The following SKOR2 variants were observed in gnomAD, a reference collection of about 807,000 sequenced individuals.
The protein encoded by SKOR2 is LBX1 corepressor 1-like protein.
In SKOR2, 47 loss-of-function variants were observed where a neutral mutation model predicts 69.1. That is an observed-to-expected ratio of 0.68 (90% CI 0.54 to 0.87). SKOR2 has a LOEUF of 0.87. Ranked by LOEUF, SKOR2 falls within the 40% of genes least tolerant of loss-of-function variation. The probability of loss-of-function intolerance (pLI) is 0.00; values close to 1 mark genes in which losing one functional copy is unlikely to be tolerated. For synonymous variants in SKOR2, 717 were observed against 672.6 expected (o/e 1.07, Z -1.02); for missense variants, 1,404 against 1,472.2 (o/e 0.95, Z 0.76).
At chr18:47,230,842 T>C in intron 5 of SKOR2, 93 bp downstream of exon 5, 1 of 1,301,380 alleles carries the variant, frequency 7.7e-7, no homozygotes, top group Non-Finnish European at 1.1e-6. Context: ...CTTGTCAAGC[T>C]AAAAATATGG....
chr18:47,249,320 C>G (rs535034255), intron 1 of SKOR2, 90 bp from the exon 2 acceptor site: 2 of 1,208,304 alleles, frequency 1.7e-6, no homozygotes, highest in East Asian at 2.6e-5. Flanking sequence ...ATTAGAATAA[C>G]TTTCTTGCTT....
At chr18:47,246,416 C>G (rs796374144) in intron 2 of SKOR2, among the ~76,000 whole-genome samples, 155 bp downstream of exon 2, 21 of 152,376 alleles carry the variant, frequency 1.4e-4, no homozygotes, top group African/African-American at 5.0e-4. Flanking sequence ...CGGAGGACCA[C>G]TGGCAGGAAA....
Position 47,248,089 on chromosome 18 carries a change from GC to G in SKOR2, c.1094del (p.Gly365AlafsTer131). On this transcript the variant is annotated frameshift_variant, in exon 2 of 9. Coordinates refer to ENST00000425639, the MANE Select transcript of SKOR2 (RefSeq NM_001278063.4). LOFTEE classifies it high-confidence loss of function. This position sits in a 1 kb window ranked among gnomAD's most constrained non-coding sequence, Gnocchi z 6.4. ...GCVAGVGVGA[G>X]AGAGAGAGAK... is the part of the protein sequence containing the mutation. The stretch of plus-strand genomic sequence containing the variant: ...CCCCTGCCCCGGCACCCGCCCCCGC[GC>G]CCGCGCCCACGCCCACGCCGGCCAC... 1 of 1,373,928 alleles carries G rather than the reference GC, an allele frequency of 7.3e-7. No individual in the cohort carries two copies. The highest frequency in any genetic ancestry group is 9.4e-7 in the Non-Finnish European group (1 of 1,066,024). 85.1% of individuals were successfully genotyped at this position (1,373,928 alleles called of 1,614,324 possible).
Position 47,206,330 on chromosome 18 carries a change from GCAGGCAAAGTACAGAGAGGAAGGGGCCA to G in SKOR2, c.*538_*565del. On this transcript the variant is annotated 3_prime_UTR_variant, in exon 9 of 9. Coordinates refer to ENST00000425639, the MANE Select transcript of SKOR2 (RefSeq NM_001278063.4). The stretch of plus-strand genomic sequence containing the variant: ...AAGGAATACAATCCTCATTCATACA[GCAGGCAAAGTACAGAGAGGAAGGGGCCA>G]CATGTAAGTCTGTCCAGTTTGCTAT... 6.6e-6 allele frequency: 1 copy of G among 152,182 alleles called. No individual in the cohort carries two copies. The highest frequency in any genetic ancestry group is 1.9e-4 in the East Asian group (1 of 5,178). The allele number at this position is 152,182 out of a possible 1,614,324, so 9.4% of individuals were successfully genotyped here.
In SKOR2 at chr18:47,246,637, G is replaced by A. The variant is rs1342509574; in HGVS notation, c.2547C>T (p.Gly849=). 1.7e-5 allele frequency: 26 copies of A among 1,518,480 alleles called. No individual in the cohort carries two copies. Among genetic ancestry groups the A allele is most frequent in the Non-Finnish European group, 2.2e-5 (25 of 1,140,084 alleles). 94.1% of individuals were successfully genotyped at this position (1,518,480 alleles called of 1,614,324 possible). Residue 849 remains glycine (G), a synonymous_variant, in exon 2 of 9, where the codon GGC becomes GGT. Coordinates refer to ENST00000425639, the MANE Select transcript of SKOR2 (RefSeq NM_001278063.4). ...CTGGGCTGCCCGGGCTGCTGCTGCC[G>A]CCGCCACTCGCCTTCTGGGGGGCCA... ...PPLAPQKASG[G]GSSSPGSPVH...
intron 4 of SKOR2, among the ~76,000 whole-genome samples, chr18:47,238,400 G>T (rs1190031187): frequency 5.1e-5 from 7 of 137,632 alleles, no homozygotes; most frequent in African/African-American, 1.9e-4. Flanking sequence ...TCAGCTCACT[G>T]TTATCTTCGT....
Position 47,248,707 on chromosome 18 carries a change from G to T in SKOR2, c.477C>A (p.Phe159Leu). The T allele has an allele frequency of 1.9e-6, 3 of 1,561,124 alleles. No homozygotes were observed. Among genetic ancestry groups the T allele is most frequent in the Non-Finnish European group, 2.6e-6 (3 of 1,159,622 alleles). Residue 159 changes from phenylalanine (F) to leucine (L), a missense_variant, in exon 2 of 9, where the codon TTC (phenylalanine) becomes TTA (leucine). By Grantham distance (22) the Phe-to-Leu change is conservative (BLOSUM62 0). Around this residue, in one of 3 missense-constraint regions of SKOR2, gnomAD observed 1,266 missense variants for 1,309.9 expected, o/e 0.97. Coordinates refer to ENST00000425639, the MANE Select transcript of SKOR2 (RefSeq NM_001278063.4). This position sits in a 1 kb window ranked among gnomAD's most constrained non-coding sequence, Gnocchi z 6.4. The stretch of plus-strand genomic sequence containing the variant: ...GCGAGCTGTTGTAGCGCGCGGGAAT[G>T]AAGCTGCCGCGGCAGCCCCAGGCGC... ...HECAWGCRGS[F>L]IPARYNSSRA...
At chr18:47,224,271 A>C (rs2144489333) in intron 6 of SKOR2, among the ~76,000 whole-genome samples, 1 of 152,304 alleles carries the variant, frequency 6.6e-6, no homozygotes, top group East Asian at 1.9e-4. Flanking sequence ...AAAAATCATT[A>C]AGCCAACTTC....
At position 47,247,540 on chromosome 18, in the gene SKOR2, G is replaced by C. The variant is rs1413660226; in HGVS notation, c.1644C>G (p.Ala548=). The C allele has an allele frequency of 4.1e-6, 5 of 1,219,120 alleles. No individual in the cohort carries two copies. In the East Asian group the frequency reaches 1.7e-4, roughly 41 times the overall value. 75.5% of individuals were successfully genotyped at this position (1,219,120 alleles called of 1,614,324 possible). The part of the protein sequence containing the change: ...NGPGSGPPPP[A]GGAGSRDALF... ...GCGCGTCGCGAGAGCCGGCGCCCCC[G>C]GCAGGAGGAGGTGGGCCGGAGCCCG... The change falls in exon 2 of 9, where the codon GCC becomes GCG. Residue 548 remains alanine, a synonymous_variant. Coordinates refer to ENST00000425639, the MANE Select transcript of SKOR2 (RefSeq NM_001278063.4). The surrounding 1 kb of genome is among the most constrained non-coding windows in gnomAD (Gnocchi z 6.6).
At position 47,247,069 on chromosome 18, in the gene SKOR2, G is replaced by C. The variant is rs1555659828; in HGVS notation, c.2115C>G (p.Pro705=). The change falls in exon 2 of 9, where the codon CCC becomes CCG. Residue 705 remains proline (P), a synonymous_variant. Coordinates refer to ENST00000425639, the MANE Select transcript of SKOR2 (RefSeq NM_001278063.4). This position sits in a 1 kb window ranked among gnomAD's most constrained non-coding sequence, Gnocchi z 6.6. ...GGTGGTGCGGGTGCTGGGCCAGAGG[G>C]GGCGGCGGGGGCGGCGGCGGCGGCG... is the stretch of plus-strand genomic sequence containing the variant. ...PPPPPPPPPP[P]PLAQHPHHRG... The C allele has an allele frequency of 1.4e-6, 2 of 1,390,998 alleles. No homozygotes were observed. The highest frequency in any genetic ancestry group is 3.3e-5 in the South Asian group (2 of 61,288). The allele number at this position is 1,390,998 out of a possible 1,614,324, so 86.2% of individuals were successfully genotyped here.
chr18:47,232,680 C>T (rs2064204301), intron 4 of SKOR2, among the ~76,000 whole-genome samples: 1 of 152,178 alleles, frequency 6.6e-6, no homozygotes, highest in Non-Finnish European at 1.5e-5. Context: ...TAGGTATGGC[C>T]AGTGCCTAGC....
At chr18:47,214,650 GA>G (rs2064138213) in intron 7 of SKOR2, among the ~76,000 whole-genome samples, 2 of 152,232 alleles carry the variant, frequency 1.3e-5, no homozygotes, top group East Asian at 3.9e-4. Context: ...TAACATTTCT[GA>G]AATCAGATGT....
chr18:47,227,533 G>C (rs1024541355), intron 6 of SKOR2, among the ~76,000 whole-genome samples: 3 of 151,982 alleles, frequency 2.0e-5, no homozygotes, highest in Non-Finnish European at 2.9e-5. Flanking sequence ...GTTTCACCAT[G>C]TTGGCCAGGC....
chr18:47,220,143 T>A, intron 6 of SKOR2, 133 bp from the exon 7 acceptor site: 1 of 650,706 alleles, frequency 1.5e-6, no homozygotes, highest in East Asian at 2.8e-5. Context: ...AGGCAAATTA[T>A]ATGCTTGTTT....
intron 6 of SKOR2, among the ~76,000 whole-genome samples, chr18:47,223,109 A>C (rs1473749669): frequency 1.3e-5 from 2 of 152,214 alleles, no homozygotes; most frequent in African/African-American, 4.8e-5. Context: ...CATAGTCAAC[A>C]TTTAAAGGTA....
At chr18:47,230,879 T>C (rs1484954369) in intron 5 of SKOR2, 56 bp downstream of exon 5, 4 of 1,485,756 alleles carry the variant, frequency 2.7e-6, no homozygotes, top group African/African-American at 2.8e-5. Flanking sequence ...CCTCCTATTA[T>C]CTCCACAGTC....
intron 4 of SKOR2, among the ~76,000 whole-genome samples, chr18:47,237,245 G>A (rs1486220143): frequency 6.6e-6 from 1 of 152,170 alleles, no homozygotes; most frequent in Non-Finnish European, 1.5e-5. Flanking sequence ...GGGGAAATTT[G>A]TGATGCTCCA....
At chr18:47,211,992 C>T (rs2064129301) in intron 8 of SKOR2, 94 bp downstream of exon 8, 3 of 1,142,218 alleles carry the variant, frequency 2.6e-6, no homozygotes, top group Non-Finnish European at 3.3e-6. Context: ...CTTTACCAAT[C>T]CCTTGGGCTA....
intron 4 of SKOR2, among the ~76,000 whole-genome samples, chr18:47,235,406 T>G (rs1029592974): frequency 2.0e-5 from 3 of 152,096 alleles, no homozygotes; most frequent in African/African-American, 7.2e-5. Context: ...CTTAGGAAGG[T>G]GTCCACACCA....
Sources: gnomAD v4.1 joint callset for allele counts (sites outside exome capture counted in the v4.1 genomes callset) on GRCh38, gnomAD v4.1.1 for gene constraint, gnomAD v4.1.1 regional missense constraint, Gnocchi (gnomAD v3.1) non-coding constraint, MANE v1.5 for transcripts, NCBI Gene and HGNC (gene_info 2026-07-23, HGNC 2026-07-21) for gene names.